Variants in CEP128 observed in about 807,000 individuals in gnomAD.
The protein encoded by CEP128 is centrosomal protein 128kDa.
CEP128 carries 132 observed loss-of-function variants against 156.7 expected under a neutral mutation model. The ratio of observed to expected loss-of-function variants is 0.84; its 90% CI spans 0.73 to 0.97. The LOEUF (loss-of-function observed/expected upper bound fraction) is 0.97. Ranked by LOEUF, CEP128 falls within the 50% of genes least tolerant of loss-of-function variation. CEP128 has a pLI of 0.00. For missense variants in CEP128, 1,252 were observed against 1,281.9 expected (o/e 0.98, Z 0.36); for synonymous variants, 469 against 448.9 (o/e 1.04, Z -0.57).
At chr14:80,487,250 A>C (rs1454127128), downstream of CEP128, among the ~76,000 whole-genome samples, 1 of 152,170 alleles carries the variant, frequency 6.6e-6, no homozygotes, top group Non-Finnish European at 1.5e-5. Context: ...AACAGACTTT[A>C]AACCAATAAA....
chr14:80,713,996 T>A (rs1394839471), intron 19 of CEP128, among the ~76,000 whole-genome samples: 1 of 152,144 alleles, frequency 6.6e-6, no homozygotes, highest in African/African-American at 2.4e-5. Context: ...CTCTGCTGAG[T>A]AGTGAAAAGT....
At chr14:80,517,285 GT>G (rs374243517) in intron 23 of CEP128, among the ~76,000 whole-genome samples, 36 of 151,628 alleles carry the variant, frequency 2.4e-4, no homozygotes, top group African/African-American at 8.7e-4. Flanking sequence ...TTTGCTCTTG[GT>G]CTTCTAGATT....
At chr14:80,887,165 A>G (rs890724809) in intron 8 of CEP128, among the ~76,000 whole-genome samples, 5 of 152,220 alleles carry the variant, frequency 3.3e-5, no homozygotes, top group Admixed American at 2.0e-4. Context: ...TTGGATTCCC[A>G]CACAATAATA....
intron 23 of CEP128, among the ~76,000 whole-genome samples, chr14:80,521,830 T>A (rs1044525757): frequency 1.3e-5 from 2 of 152,216 alleles, no homozygotes; most frequent in Admixed American, 6.5e-5. Context: ...CCATACAATC[T>A]AGTAGAAGGG....
chr14:80,477,824 C>T (rs1251218596), exon 15 of CEP128: 3 of 152,206 alleles, frequency 2.0e-5, no homozygotes, highest in Non-Finnish European at 4.4e-5. Flanking sequence ...GAGAACTCTG[C>T]CCCTGAAGGG....
intron 4 of CEP128, among the ~76,000 whole-genome samples, chr14:80,908,729 T>C (rs1884033334): frequency 6.6e-6 from 1 of 152,216 alleles, no homozygotes; most frequent in Non-Finnish European, 1.5e-5. Context: ...CATGAGAAGT[T>C]GTAGAAATAA....
At chr14:80,558,632 A>G (rs953709931) in intron 21 of CEP128, among the ~76,000 whole-genome samples, 4 of 151,826 alleles carry the variant, frequency 2.6e-5, no homozygotes, top group Admixed American at 6.6e-5. Context: ...CACGTTGGCC[A>G]GGCTGGTCTC....
At chr14:80,813,028 T>C (rs1320303038) in intron 13 of CEP128, among the ~76,000 whole-genome samples, 2 of 152,214 alleles carry the variant, frequency 1.3e-5, no homozygotes, top group Non-Finnish European at 2.9e-5. Context: ...TTTTGAGAAG[T>C]GTCTTTTCAT....
intron 19 of CEP128, among the ~76,000 whole-genome samples, chr14:80,742,546 A>T (rs1260294969): frequency 6.6e-6 from 1 of 152,214 alleles, no homozygotes; most frequent in Admixed American, 6.5e-5. Flanking sequence ...AAATATGTGA[A>T]GCCAAATTCC....
intron 15 of CEP128, among the ~76,000 whole-genome samples, chr14:80,783,650 A>G (rs1258735444): frequency 1.3e-5 from 2 of 152,080 alleles, no homozygotes; most frequent in South Asian, 2.1e-4. Context: ...ATATTCATCA[A>G]CTCTAAAAGA....
At chr14:80,570,293 G>A (rs1891083895) in intron 20 of CEP128, among the ~76,000 whole-genome samples, 1 of 151,906 alleles carries the variant, frequency 6.6e-6, no homozygotes, top group South Asian at 2.1e-4. Flanking sequence ...AATTTTTTGT[G>A]TTTTAGTAGA....
chr14:80,694,189 A>C (rs1896811008), intron 19 of CEP128, among the ~76,000 whole-genome samples: 1 of 152,234 alleles, frequency 6.6e-6, no homozygotes, highest in Admixed American at 6.5e-5. Context: ...AGAGAAATGC[A>C]AATCAAAACC....
At chr14:80,736,828 A>G (rs2139562106) in intron 19 of CEP128, among the ~76,000 whole-genome samples, 1 of 152,282 alleles carries the variant, frequency 6.6e-6, no homozygotes, top group East Asian at 1.9e-4. Context: ...TTCGCATTCA[A>G]TCACAGTTGA....
intron 11 of CEP128, among the ~76,000 whole-genome samples, chr14:80,837,099 C>T (rs1022749119): frequency 1.3e-5 from 2 of 152,100 alleles, no homozygotes; most frequent in Admixed American, 6.5e-5. Flanking sequence ...ACAAAGTCAG[C>T]GAATATTTTC....
intron 21 of CEP128, among the ~76,000 whole-genome samples, chr14:80,549,794 G>A (rs1251274624): frequency 3.3e-5 from 5 of 152,294 alleles, no homozygotes; most frequent in East Asian, 3.9e-4. Flanking sequence ...TTCGGTGCCT[G>A]TAGAGTGATT....
chr14:80,520,561 G>A (rs1381884846), intron 23 of CEP128, among the ~76,000 whole-genome samples: 1 of 151,806 alleles, frequency 6.6e-6, no homozygotes, highest in Non-Finnish European at 1.5e-5. Context: ...ATATTTTATT[G>A]TATAAAATTA....
intron 8 of CEP128, among the ~76,000 whole-genome samples, chr14:80,872,551 G>A (rs532830357): frequency 1.3e-5 from 2 of 152,176 alleles, no homozygotes; most frequent in Admixed American, 1.3e-4. Context: ...TGATTAAGAG[G>A]GCTTACCAGT....
intron 19 of CEP128, among the ~76,000 whole-genome samples, chr14:80,639,342 AAG>A (rs1894317018): frequency 6.6e-6 from 1 of 152,164 alleles, no homozygotes; most frequent in East Asian, 1.9e-4. Context: ...AAGTTACCAA[AAG>A]AGAATTGCTG....
intron 4 of CEP128, among the ~76,000 whole-genome samples, chr14:80,911,885 G>A (rs1391074747): frequency 6.6e-6 from 1 of 152,162 alleles, no homozygotes; most frequent in Non-Finnish European, 1.5e-5. Context: ...TTACAACTCA[G>A]ATGGAAATAC....
Sources: gnomAD v4.1 joint callset for allele counts (sites outside exome capture counted in the v4.1 genomes callset) on GRCh38, gnomAD v4.1.1 for gene constraint, MANE v1.5 for transcripts, NCBI Gene and HGNC (gene_info 2026-07-23, HGNC 2026-07-21) for gene names.